POLQ: variants seen among roughly 807,000 people sequenced by gnomAD.
POLQ encodes the protein DNA polymerase theta.
In POLQ, 233 loss-of-function variants were observed where a neutral mutation model predicts 259.2. The observed-to-expected ratio is 0.90, with a 90% CI of 0.81 to 1.00. The LOEUF (loss-of-function observed/expected upper bound fraction) is 1.00, where lower values mean the gene tolerates loss of function less well. Ranked by LOEUF, POLQ falls within the 50% of genes least tolerant of loss-of-function variation. POLQ has a pLI of 0.00. For synonymous variants in POLQ, 1,025 were observed against 1,048.8 expected, an observed-to-expected ratio of 0.98 and a Z score of 0.44; for missense variants, 2,871 against 3,051.6, an observed-to-expected ratio of 0.94 and a Z score of 1.39.
intron 3 of POLQ, among the ~76,000 whole-genome samples, chr3:121,540,740 G>A (rs967727386): frequency 1.3e-5 from 2 of 152,172 alleles, no homozygotes; most frequent in South Asian, 4.1e-4. Flanking sequence ...TTCTTAATGT[G>A]CGTGTTTATA....
chr3:121,490,180 T>G lies in POLQ; in HGVS notation c.2751A>C (p.Glu917Asp), dbSNP rs1330119470. 3 of 1,612,220 alleles carry G rather than the reference T, an allele frequency of 1.9e-6. No homozygotes were observed. The African/African-American group carries it at 4.0e-5, about 22-fold the overall frequency. ...STCSLTHSES[E>D]VKEHTFISQT... ...GGGATATAAATGTGTGTTCCTTTAC[T>G]TCGGACTCACTATGAGTCAATGAGC... The change falls in exon 16 of 30, where the codon GAA (glutamate) becomes GAC (aspartate). Residue 917 changes from glutamate to aspartate, a missense_variant. Glu to Asp is a conservative substitution (Grantham distance 45, BLOSUM62 2). Coordinates refer to ENST00000264233, the MANE Select transcript of POLQ (RefSeq NM_199420.4).
intron 26 of POLQ, among the ~76,000 whole-genome samples, chr3:121,448,312 G>C (rs2108777322): frequency 6.6e-6 from 1 of 151,952 alleles, no homozygotes; most frequent in East Asian, 1.9e-4. Context: ...ATACTCTTCA[G>C]TATATCAATT....
intron 5 of POLQ, among the ~76,000 whole-genome samples, chr3:121,534,688 T>C (rs374060436): frequency 1.5e-4 from 23 of 152,358 alleles, no homozygotes; most frequent in African/African-American, 5.0e-4. Context: ...TAATAATATA[T>C]ACACTTTATG....
intron 22 of POLQ, among the ~76,000 whole-genome samples, 154 bp from the exon 23 acceptor site, chr3:121,468,585 G>C (rs1234958433): frequency 6.6e-6 from 1 of 152,114 alleles, no homozygotes; most frequent in Non-Finnish European, 1.5e-5. Flanking sequence ...ATGTTCATGT[G>C]TCTAACAATG....
intron 25 of POLQ, among the ~76,000 whole-genome samples, chr3:121,455,477 G>C (rs1421093601): frequency 6.6e-6 from 1 of 150,762 alleles, no homozygotes; most frequent in Non-Finnish European, 1.5e-5. Context: ...AAAATTGATA[G>C]ACTGCTAGCA....
In POLQ at chr3:121,527,311, C is replaced by T. The variant is rs2048380632; in HGVS notation, c.1108+2334G>A. On this transcript the variant is annotated intron_variant, in intron 7 of 29. Transcript: ENST00000264233. The stretch of plus-strand genomic sequence containing the variant: ...TCCTGACCTCAGGTGATCCGCCCAC[C>T]TCATCCTCCCAAAGTGCTGGGATTA... Among the ~76,000 whole-genome samples the T allele has an allele frequency of 2.0e-5, 3 of 152,238 alleles. No individual in the cohort carries two copies. The South Asian group carries it at 6.2e-4, about 31-fold the overall frequency.
At chr3:121,470,236 C>T (rs150176675) in intron 22 of POLQ, among the ~76,000 whole-genome samples, 5,500 of 151,854 alleles carry the variant, frequency 0.036, 150 homozygotes, top group Middle Eastern at 0.082. Flanking sequence ...TCCAGTCTGG[C>T]GACAGAGCGA....
At chr3:121,537,301 T>G in intron 4 of POLQ, 93 bp from the exon 5 acceptor site, 1 of 718,150 alleles carries the variant, frequency 1.4e-6, no homozygotes, top group Non-Finnish European at 2.5e-6. Context: ...TTAATTTCCT[T>G]TATATCAACT....
intron 20 of POLQ, 57 bp downstream of exon 20, chr3:121,476,482 AC>A (rs1251840313): frequency 1.9e-5 from 24 of 1,263,320 alleles, no homozygotes; most frequent in Non-Finnish European, 2.5e-5. Flanking sequence ...ACACACACAC[AC>A]ACAATCATTT....
rs764909287 is a variant in POLQ, at chr3:121,488,523, C to T, written c.4408G>A (p.Gly1470Ser). ...LLIPQKRTPT[G>S]VEGECLPVPE... Reference sequence around the variant, plus strand: ...ACTGGAAGACATTCTCCTTCTACACCAGTGGGAGTTCTCTTTTGAGGAATC... The same window carrying T: ...ACTGGAAGACATTCTCCTTCTACACTAGTGGGAGTTCTCTTTTGAGGAATC... Residue 1470 changes from glycine to serine, a missense_variant, in exon 16 of 30, where the codon GGT (glycine) becomes AGT (serine). By Grantham distance (56) the Gly-to-Ser change is moderately conservative. Coordinates refer to ENST00000264233, the MANE Select transcript of POLQ (RefSeq NM_199420.4). The T allele has an allele frequency of 1.9e-6, 3 of 1,610,630 alleles. No homozygotes were observed. In the Admixed American group the frequency reaches 5.0e-5, roughly 27 times the overall value.
intron 20 of POLQ, among the ~76,000 whole-genome samples, chr3:121,473,700 T>A (rs1403327359): frequency 6.6e-6 from 1 of 150,738 alleles, no homozygotes; most frequent in African/African-American, 2.4e-5. Flanking sequence ...TTAGACACTA[T>A]CAGATTAATT....
Position 121,489,111 on chromosome 3 carries a change from C to T in POLQ, c.3820G>A (p.Ala1274Thr). Residue 1274 changes from alanine (A) to threonine (T), a missense_variant, in exon 16 of 30, where the codon GCA becomes ACA. Ala to Thr is a moderately conservative substitution (Grantham distance 58, BLOSUM62 0). This residue lies in a region of POLQ where 2,080 missense variants were observed against 2,126.0 expected (regional missense o/e 0.98). Transcript: ENST00000264233. The part of the protein sequence containing the change: ...IPSEVLPSAG[A>T]FSKSEGQHEN... The stretch of plus-strand genomic sequence containing the variant: ...TGCTGGCCTTCTGATTTGCTAAATG[C>T]TCCAGCTGATGGAAGTACTTCACTG... 4 of 1,613,810 alleles carry T rather than the reference C, an allele frequency of 2.5e-6. No homozygotes were observed. Among genetic ancestry groups the T allele is most frequent in the Non-Finnish European group, 3.4e-6 (4 of 1,179,782 alleles).
intron 25 of POLQ, among the ~76,000 whole-genome samples, chr3:121,458,318 T>C (rs1327295460): frequency 6.6e-6 from 1 of 151,976 alleles, no homozygotes. Context: ...CACACCAGCA[T>C]GGCACATGTA....
Position 121,515,843 on chromosome 3 carries a change from G to A in POLQ, c.1469-3814C>T, listed in dbSNP as rs1040582800. 3.9e-5 allele frequency among the ~76,000 whole-genome samples: 6 copies of A among 152,028 alleles called. No homozygotes were observed. The Middle Eastern group carries it at 0.01, about 259-fold the overall frequency. ...CAACAATGAACCCTAAAGAAATGAA[G>A]ATCTGTGAAATGAGAAAGAATCCAG... On this transcript the variant is annotated intron_variant, in intron 9 of 29. Coordinates refer to ENST00000264233, the MANE Select transcript of POLQ (RefSeq NM_199420.4).
chr3:121,539,710 A>G (rs1159830921), intron 3 of POLQ, 121 bp from the exon 4 acceptor site: 1 of 735,574 alleles, frequency 1.4e-6, no homozygotes, highest in Non-Finnish European at 2.3e-6. Context: ...TACTGTCATC[A>G]GTTGTTTCTG....
At chr3:121,434,056 C>T (rs935801244) in intron 28 of POLQ, among the ~76,000 whole-genome samples, 1 of 152,216 alleles carries the variant, frequency 6.6e-6, no homozygotes, top group Non-Finnish European at 1.5e-5. Flanking sequence ...TCGGATCTGC[C>T]CCATGAAGCC....
Position 121,525,891 on chromosome 3 carries a change from AC to A in POLQ, c.1109-3743del, listed in dbSNP as rs1308111973. On this transcript the variant is annotated intron_variant, in intron 7 of 29. Transcript: ENST00000264233. Reference sequence around the variant, plus strand: ...TCATATCTTGAAACCCTTTACCTCCACCTTTTTTTTGCCATTTTCACAATCT... The same window carrying A: ...TCATATCTTGAAACCCTTTACCTCCACTTTTTTTTGCCATTTTCACAATCT... Among the ~76,000 whole-genome samples the A allele has an allele frequency of 2.0e-5, 3 of 149,436 alleles. No homozygotes were observed. In the East Asian group the frequency reaches 5.9e-4, roughly 29 times the overall value.
intron 7 of POLQ, among the ~76,000 whole-genome samples, chr3:121,526,503 A>AT (rs139389622): frequency 1.5e-4 from 22 of 151,458 alleles, no homozygotes; most frequent in African/African-American, 4.6e-4. Context: ...CTTTGTGGCA[A>AT]TTTTTTTTTC....
chr3:121,536,280 G>A (rs867349330), intron 5 of POLQ, among the ~76,000 whole-genome samples: 3 of 152,248 alleles, frequency 2.0e-5, no homozygotes, highest in African/African-American at 2.4e-5. Flanking sequence ...AGAGACTGCA[G>A]AGAAGGGAGA....
Sources: allele counts gnomAD v4.1 joint callset (sites outside exome capture counted in the v4.1 genomes callset), GRCh38; gene constraint gnomAD v4.1.1; regional missense constraint gnomAD v4.1.1; transcripts MANE v1.5; gene names NCBI Gene and HGNC (gene_info 2026-07-23, HGNC 2026-07-21).